The following HLA-DPA1 variants were observed in gnomAD, a reference collection of about 807,000 sequenced individuals.
The protein encoded by HLA-DPA1 is major histocompatibility complex, class II, DP alpha 1, also known as HLA class II histocompatibility antigen, DP alpha 1 chain.
A neutral mutation model predicts 21.5 loss-of-function variants in HLA-DPA1; 20 were observed. The observed-to-expected ratio is 0.93, with a 90% CI of 0.66 to 1.35. HLA-DPA1 has a LOEUF of 1.35. Ranked by LOEUF, HLA-DPA1 falls within the 40% of genes most tolerant of loss-of-function variation. The probability of loss-of-function intolerance (pLI) is 0.00; values close to 1 mark genes in which losing one functional copy is unlikely to be tolerated. For synonymous variants in HLA-DPA1, 123 were observed against 129.6 expected, an observed-to-expected ratio of 0.95 and a Z score of 0.35; for missense variants, 279 against 323.0, an observed-to-expected ratio of 0.86 and a Z score of 1.05.
chr6:33,076,624 T>G (rs1345607178), intron 1 of HLA-DPA1, among the ~76,000 whole-genome samples: 1 of 152,046 alleles, frequency 6.6e-6, no homozygotes, highest in Non-Finnish European at 1.5e-5. Flanking sequence ...CTTGGACAAT[T>G]AAGGAGAGAA....
intron 1 of HLA-DPA1, among the ~76,000 whole-genome samples, chr6:33,077,636 C>G (rs926776090): frequency 6.6e-6 from 1 of 152,182 alleles, no homozygotes; most frequent in South Asian, 2.1e-4. Flanking sequence ...CCATTGTACT[C>G]TCAGGACATT....
chr6:33,069,372 G>A (rs1762141231), intron 3 of HLA-DPA1, 72 bp from the exon 3 acceptor site: 2 of 1,435,344 alleles, frequency 1.4e-6, no homozygotes. Flanking sequence ...CTTAGGGGAG[G>A]GTGGTCCTCT....
chr6:33,080,601 T>C lies in HLA-DPA1; in HGVS notation c.-100+79A>G, dbSNP rs1762785330. The C allele has an allele frequency of 1.6e-5, 25 of 1,596,232 alleles. No individual in the cohort carries two copies. In the South Asian group the frequency reaches 1.8e-4, roughly 11 times the overall value. On this transcript the variant is annotated intron_variant, in intron 1 of 5. Coordinates refer to ENST00000419277, the Ensembl canonical transcript of HLA-DPA1. This position sits in a 1 kb window ranked among gnomAD's most constrained non-coding sequence, Gnocchi z 4.3. Reference sequence around the variant, plus strand: ...GAAGATTTGGGAAGAATCGTTAATATTGAGAGAGAGAGGGAGAAAGAGGAT... The same window carrying C: ...GAAGATTTGGGAAGAATCGTTAATACTGAGAGAGAGAGGGAGAAAGAGGAT...
chr6:33,080,602 T>TAA lies in HLA-DPA1; in HGVS notation c.-100+77_-100+78insTT. 8 of 1,593,944 alleles carry TAA rather than the reference T, an allele frequency of 5.0e-6. No individual in the cohort carries two copies. In the South Asian group the frequency reaches 8.8e-5, roughly 18 times the overall value. ...AAGATTTGGGAAGAATCGTTAATATTGAGAGAGAGAGGGAGAAAGAGGATT... is the reference window on the plus strand; with the variant it reads ...AAGATTTGGGAAGAATCGTTAATATTAAGAGAGAGAGAGGGAGAAAGAGGATT... On this transcript the variant is annotated intron_variant, in intron 1 of 5. Transcript: ENST00000419277. This position sits in a 1 kb window ranked among gnomAD's most constrained non-coding sequence, Gnocchi z 4.3.
rs760250667 is a variant in HLA-DPA1 at position 33,080,661 on chromosome 6, C to G, written c.-100+19G>C. 6.2e-7 allele frequency: 1 copy of G among 1,612,384 alleles called. No homozygotes were observed. Among genetic ancestry groups the G allele is most frequent in the Non-Finnish European group, 8.5e-7 (1 of 1,179,310 alleles). ...GTGGCGCCTCCGCTCATGTCCGCCCCCTCCCCGCAGAGAATTACCTTTTCC... is the reference window on the plus strand; with the variant it reads ...GTGGCGCCTCCGCTCATGTCCGCCCGCTCCCCGCAGAGAATTACCTTTTCC... On this transcript the variant is annotated intron_variant, in intron 1 of 5. Transcript: ENST00000419277. This position sits in a 1 kb window ranked among gnomAD's most constrained non-coding sequence, Gnocchi z 4.3.
chr6:33,076,132 G>T, intron 1 of HLA-DPA1: 1 of 1,606,618 alleles, frequency 6.2e-7, no homozygotes, highest in Non-Finnish European at 8.5e-7. Context: ...CCAGGGCAGG[G>T]CCACTCCAGG....
chr6:33,076,527 G>T (rs1006968274), intron 1 of HLA-DPA1, among the ~76,000 whole-genome samples: 3 of 152,198 alleles, frequency 2.0e-5, no homozygotes, highest in African/African-American at 7.2e-5. Flanking sequence ...CCCTAAGCTG[G>T]AGTGTCCAGG....
intron 1 of HLA-DPA1, chr6:33,075,857 T>G (rs149806252): frequency 1.7e-6 from 1 of 573,890 alleles, no homozygotes; most frequent in African/African-American, 1.9e-5. Flanking sequence ...ACTTTCTGCC[T>G]AGTGAGCAAT....
At chr6:33,069,116 G>A in exon 4 of HLA-DPA1, 4 of 1,613,084 alleles carry the variant, frequency 2.5e-6, no homozygotes, top group Non-Finnish European at 3.4e-6. Context: ...AATGGAACTT[G>A]TGGAAGCTGT....
At chr6:33,080,739 A>AGGAG, upstream of HLA-DPA1, 1 of 1,613,464 alleles carries the variant, frequency 6.2e-7, no homozygotes, top group Non-Finnish European at 8.5e-7. This position sits in a 1 kb window ranked among gnomAD's most constrained non-coding sequence, Gnocchi z 4.3. Flanking sequence ...TCCTGGAGAG[A>AGGAG]TACATCTACA....
At chr6:33,078,581 C>T (rs1324579443) in intron 1 of HLA-DPA1, among the ~76,000 whole-genome samples, 1 of 152,080 alleles carries the variant, frequency 6.6e-6, no homozygotes, top group African/African-American at 2.4e-5. Flanking sequence ...CTCTGGGCAA[C>T]TCAATTGCTA....
At chr6:33,072,484 T>A (rs1438639028) in intron 2 of HLA-DPA1, among the ~76,000 whole-genome samples, 1 of 152,196 alleles carries the variant, frequency 6.6e-6, no homozygotes, top group Non-Finnish European at 1.5e-5. Flanking sequence ...AGTATTTGCA[T>A]CTATGAAGAG....
intron 1 of HLA-DPA1, among the ~76,000 whole-genome samples, chr6:33,075,561 C>T (rs1290986977): frequency 2.6e-5 from 4 of 152,132 alleles, no homozygotes; most frequent in Non-Finnish European, 5.9e-5. Flanking sequence ...GAGATGGGTA[C>T]TCTAATCCCT....
chr6:33,076,924 T>TTATA lies in HLA-DPA1; in HGVS notation c.-99-3259_-99-3256dup, dbSNP rs757719818. Among the ~76,000 whole-genome samples, 213 of 151,740 alleles carry TTATA rather than the reference T, an allele frequency of 1.4e-3. 2 individuals are homozygous for TTATA. In the East Asian group the frequency reaches 0.026, roughly 18 times the overall value. On this transcript the variant is annotated intron_variant, in intron 1 of 5. Coordinates refer to ENST00000419277, the Ensembl canonical transcript of HLA-DPA1. ...CAGGATACTCTCAGGATATTTCTTTTTATATATATATATACTTTAAGTTCT... is the reference window on the plus strand; with the variant it reads ...CAGGATACTCTCAGGATATTTCTTTTTATATATATATATATATACTTTAAGTTCT...
intron 2 of HLA-DPA1, among the ~76,000 whole-genome samples, chr6:33,070,340 A>T (rs72879617): frequency 0.19 from 29,439 of 152,176 alleles, 3,471 homozygotes; most frequent in African/African-American, 0.32. Flanking sequence ...ACATATTAAT[A>T]ACTTGCTAAG....
At chr6:33,069,566 A>G in intron 3 of HLA-DPA1, 75 bp downstream of exon 2, 2 of 1,562,738 alleles carry the variant, frequency 1.3e-6, no homozygotes, top group South Asian at 1.1e-5. Context: ...TAGGCTTCCT[A>G]GTCTGAGGGT....
intron 2 of HLA-DPA1, 58 bp from the exon 2 acceptor site, chr6:33,069,944 T>A: frequency 2.0e-6 from 3 of 1,510,340 alleles, no homozygotes. Flanking sequence ...ATGCAAGTGG[T>A]CAAAGCTAGA....
chr6:33,073,607 A>G (rs760866333), exon 2 of HLA-DPA1: 2 of 1,493,626 alleles, frequency 1.3e-6, no homozygotes, highest in Admixed American at 3.3e-5. Context: ...TGAGCACAGG[A>G]ACAGTGATGA....
exon 3 of HLA-DPA1, chr6:33,069,883 T>C: frequency 6.2e-7 from 1 of 1,608,890 alleles, no homozygotes. Flanking sequence ...TGACACATGG[T>C]CCGCTGCATA....
Sources: gnomAD v4.1 joint callset for allele counts (sites outside exome capture counted in the v4.1 genomes callset) on GRCh38, gnomAD v4.1.1 for gene constraint, Gnocchi (gnomAD v3.1) non-coding constraint, MANE v1.5 for transcripts, NCBI Gene and HGNC (gene_info 2026-07-23, HGNC 2026-07-21) for gene names.